AGBL3: variants seen among roughly 807,000 people sequenced by gnomAD.
AGBL3 encodes cytosolic carboxypeptidase 3.
A neutral mutation model predicts 94.5 loss-of-function variants in AGBL3; 68 were observed. The ratio of observed to expected loss-of-function variants is 0.72; its 90% CI spans 0.59 to 0.88. The LOEUF (loss-of-function observed/expected upper bound fraction) is 0.88, where lower values mean the gene tolerates loss of function less well. Ranked by LOEUF, AGBL3 falls within the 40% of genes least tolerant of loss-of-function variation. The pLI is 0.00. For missense variants in AGBL3, 934 were observed against 1,103.8 expected (o/e 0.85, Z 2.18); for synonymous variants, 354 against 370.7 (o/e 0.95, Z 0.52).
intron 12 of AGBL3, among the ~76,000 whole-genome samples, chr7:135,060,224 G>T (rs976122541): frequency 3.9e-5 from 6 of 152,022 alleles, no homozygotes; most frequent in Non-Finnish European, 8.8e-5. Context: ...TTTACTAAAT[G>T]TATCACTTCT....
chr7:135,087,106 C>A (rs1449888303), intron 15 of AGBL3, among the ~76,000 whole-genome samples: 2 of 151,860 alleles, frequency 1.3e-5, no homozygotes, highest in African/African-American at 2.4e-5. Flanking sequence ...TTATTCATTT[C>A]TGCTAAGTTT....
intron 16 of AGBL3, among the ~76,000 whole-genome samples, chr7:135,130,626 A>G (rs1026867409): frequency 6.6e-6 from 1 of 151,872 alleles, no homozygotes; most frequent in African/African-American, 2.4e-5. Flanking sequence ...ATATAATCAT[A>G]TTATTCATAT....
At chr7:135,095,604 C>T (rs1822545144) in intron 15 of AGBL3, among the ~76,000 whole-genome samples, 1 of 152,154 alleles carries the variant, frequency 6.6e-6, no homozygotes, top group Non-Finnish European at 1.5e-5. Flanking sequence ...CAAGAAAATA[C>T]AAAAGCCATA....
chr7:135,012,315 T>C (rs1728393183), intron 4 of AGBL3: 1 of 152,162 alleles, frequency 6.6e-6, no homozygotes, highest in African/African-American at 2.4e-5. Context: ...GACTGCATTA[T>C]ATTAAGACTA....
At chr7:134,995,841 GC>G (rs1472158204) in intron 4 of AGBL3, among the ~76,000 whole-genome samples, 1 of 152,142 alleles carries the variant, frequency 6.6e-6, no homozygotes, top group Non-Finnish European at 1.5e-5. Flanking sequence ...TTCAGTCTGT[GC>G]CCCTGAAATT....
At chr7:134,991,206 G>GGGT (rs992146759) in intron 3 of AGBL3, among the ~76,000 whole-genome samples, 1 of 112,252 alleles carries the variant, frequency 8.9e-6, no homozygotes, top group African/African-American at 3.3e-5. Flanking sequence ...GTGGGTGGGG[G>GGGT]GGGGGTTGGT....
intron 15 of AGBL3, among the ~76,000 whole-genome samples, chr7:135,102,601 AGAACTTTG>A (rs66538570): frequency 0.48 from 72,085 of 149,594 alleles, 17,693 homozygotes; most frequent in South Asian, 0.65. Context: ...TCAGTATGAG[AGAACTTTG>A]GTCCTTTCTC....
At chr7:135,047,258 G>A (rs561137207) in intron 11 of AGBL3, among the ~76,000 whole-genome samples, 7 of 151,712 alleles carry the variant, frequency 4.6e-5, no homozygotes, top group Non-Finnish European at 8.8e-5. Flanking sequence ...AGCTGAATAG[G>A]TACGTCTTAT....
chr7:135,081,676 C>T (rs764839894), intron 14 of AGBL3, 43 bp from the exon 15 acceptor site: 12 of 1,270,278 alleles, frequency 9.4e-6, no homozygotes, highest in South Asian at 6.5e-5. Context: ...TGTAAATGGG[C>T]GAGTTATTTT....
In AGBL3 at chr7:135,068,351, C is replaced by G. The variant is rs200883470; in HGVS notation, c.1909-8046C>G. ...GGAGAACTTCCCCAATCTAGCAAGG[C>G]GGGCCAACATTCAAATTCAGGAAAT... is the stretch of plus-strand genomic sequence containing the variant. On this transcript the variant is annotated intron_variant, in intron 12 of 16. Coordinates refer to ENST00000436302, the MANE Select transcript of AGBL3 (RefSeq NM_178563.4). 3.3e-5 allele frequency among the ~76,000 whole-genome samples: 5 copies of G among 152,220 alleles called. No homozygotes were observed. In the South Asian group the frequency reaches 1.0e-3, roughly 32 times the overall value.
At chr7:135,022,295 G>A (rs964870641) in intron 5 of AGBL3, among the ~76,000 whole-genome samples, 12 of 152,144 alleles carry the variant, frequency 7.9e-5, no homozygotes, top group African/African-American at 1.7e-4. Flanking sequence ...CAATGTAAAC[G>A]TGTTTCTATT....
intron 1 of AGBL3, among the ~76,000 whole-genome samples, chr7:134,986,971 G>A (rs1809535141): frequency 6.6e-6 from 1 of 152,278 alleles, no homozygotes; most frequent in South Asian, 2.1e-4. Flanking sequence ...GACCAGAGCT[G>A]TATCCGCAGC....
chr7:135,035,582 C>A (rs958614787), intron 7 of AGBL3, among the ~76,000 whole-genome samples: 19 of 151,954 alleles, frequency 1.3e-4, no homozygotes, highest in African/African-American at 4.1e-4. Context: ...AGTAGAATAT[C>A]TTTTTACCCA....
chr7:135,012,596 A>G (rs1190256610), intron 4 of AGBL3: 1 of 152,158 alleles, frequency 6.6e-6, no homozygotes, highest in Non-Finnish European at 1.5e-5. Flanking sequence ...AAAGATGAAT[A>G]CATCAGTGGA....
At chr7:135,000,610 C>A (rs899823884) in intron 4 of AGBL3, among the ~76,000 whole-genome samples, 1 of 152,202 alleles carries the variant, frequency 6.6e-6, no homozygotes, top group Non-Finnish European at 1.5e-5. Context: ...TGTATATACG[C>A]ATATGTGTAT....
At chr7:135,094,616 A>G (rs1382027821) in intron 15 of AGBL3, 2 of 445,340 alleles carry the variant, frequency 4.5e-6, no homozygotes, top group East Asian at 1.4e-4. Flanking sequence ...AACATTGTGA[A>G]ATACACCCAG....
chr7:135,052,455 T>C (rs1306910466), intron 11 of AGBL3, among the ~76,000 whole-genome samples: 1 of 152,180 alleles, frequency 6.6e-6, no homozygotes, highest in Non-Finnish European at 1.5e-5. Flanking sequence ...GGGGGCTATA[T>C]GTGTGGGCTT....
At chr7:135,001,860 T>G (rs938026063) in intron 4 of AGBL3, among the ~76,000 whole-genome samples, 1 of 152,234 alleles carries the variant, frequency 6.6e-6, no homozygotes, top group Non-Finnish European at 1.5e-5. Flanking sequence ...TATGTTTAGC[T>G]TGTTTCTTGT....
At position 135,052,714 on chromosome 7, in the gene AGBL3, G is replaced by A. The variant is rs192523170; in HGVS notation, c.1842-6455G>A. Among the ~76,000 whole-genome samples, 353 of 152,218 alleles carry A rather than the reference G, an allele frequency of 2.3e-3. 1 individual carries two copies. The highest frequency in any genetic ancestry group is 7.8e-3 in the African/African-American group (324 of 41,538). Reference sequence around the variant, plus strand: ...ACTTTTAAATGTGGTTCTAAATGAGGATAAGAGACAGAAGTGAGATCAAAT... The same window carrying A: ...ACTTTTAAATGTGGTTCTAAATGAGAATAAGAGACAGAAGTGAGATCAAAT... On this transcript the variant is annotated intron_variant, in intron 11 of 16. Coordinates refer to ENST00000436302, the MANE Select transcript of AGBL3 (RefSeq NM_178563.4).
Sources: allele counts gnomAD v4.1 joint callset (sites outside exome capture counted in the v4.1 genomes callset), GRCh38; gene constraint gnomAD v4.1.1; transcripts MANE v1.5; gene names NCBI Gene and HGNC (gene_info 2026-07-23, HGNC 2026-07-21).